Variants in SCHIP1 observed in about 807,000 individuals in gnomAD.
SCHIP1 encodes schwannomin-interacting protein 1.
A neutral mutation model predicts 29.7 loss-of-function variants in SCHIP1; 8 were observed. That is an observed-to-expected ratio of 0.27 (90% CI 0.16 to 0.49). SCHIP1 has a LOEUF of 0.49. Among genes scored for constraint, SCHIP1 ranks in the 20% least tolerant of loss-of-function variants. The pLI, the probability that SCHIP1 is intolerant of heterozygous loss-of-function variation, is 0.99. For synonymous variants in SCHIP1, 76 were observed against 94.9 expected, an observed-to-expected ratio of 0.80 and a Z score of 1.16; for missense variants, 193 against 294.6, an observed-to-expected ratio of 0.66 and a Z score of 2.52.
chr3:159,580,408 T>C, the SCHIP1 span, among the ~76,000 whole-genome samples: 1 of 152,144 alleles, frequency 6.6e-6, no homozygotes, highest in African/African-American at 2.4e-5. Context: ...TGGACAGCAA[T>C]TTCTTTCAAC....
the SCHIP1 span, among the ~76,000 whole-genome samples, chr3:159,578,279 G>C: frequency 6.6e-6 from 1 of 152,114 alleles, no homozygotes; most frequent in Admixed American, 6.6e-5. Context: ...AGATTGCGAG[G>C]CACTATAACT....
the SCHIP1 span, among the ~76,000 whole-genome samples, chr3:159,761,512 T>C: frequency 6.6e-6 from 1 of 152,208 alleles, no homozygotes; most frequent in South Asian, 2.1e-4. Context: ...ATCATCTCCC[T>C]ATCCTGCTGG....
the SCHIP1 span, among the ~76,000 whole-genome samples, chr3:159,651,952 C>T: frequency 1.3e-5 from 2 of 151,950 alleles, no homozygotes; most frequent in Admixed American, 6.6e-5. Flanking sequence ...AAAAATTAGC[C>T]GGGCATGGTG....
the SCHIP1 span, among the ~76,000 whole-genome samples, chr3:159,554,156 C>T: frequency 6.6e-6 from 1 of 152,134 alleles, no homozygotes; most frequent in Non-Finnish European, 1.5e-5. Flanking sequence ...AGGCGTGAGC[C>T]ACCTCGCCCG....
the SCHIP1 span, among the ~76,000 whole-genome samples, chr3:159,637,869 G>T: frequency 8.5e-5 from 13 of 152,100 alleles, no homozygotes; most frequent in Non-Finnish European, 4.4e-5. Flanking sequence ...TCCCTGAGAG[G>T]GTAAATAAAA....
the SCHIP1 span, among the ~76,000 whole-genome samples, chr3:159,800,059 C>A: frequency 6.6e-6 from 1 of 152,252 alleles, no homozygotes; most frequent in East Asian, 1.9e-4. Context: ...TTCACTTATT[C>A]CCCACATATT....
At chr3:159,719,933 C>T in the SCHIP1 span, among the ~76,000 whole-genome samples, 2 of 152,154 alleles carry the variant, frequency 1.3e-5, no homozygotes, top group South Asian at 2.1e-4. Context: ...CACATGCACA[C>T]GTATGTTTAT....
At chr3:159,661,709 C>A in the SCHIP1 span, among the ~76,000 whole-genome samples, 1 of 152,088 alleles carries the variant, frequency 6.6e-6, no homozygotes, top group Non-Finnish European at 1.5e-5. Context: ...CCTCTTGTAG[C>A]CTTGTCCAAA....
At chr3:159,351,117 A>G in the SCHIP1 span, among the ~76,000 whole-genome samples, 2 of 152,196 alleles carry the variant, frequency 1.3e-5, no homozygotes, top group Non-Finnish European at 2.9e-5. Context: ...GGAGGAACTA[A>G]TGTATGAATT....
the SCHIP1 span, among the ~76,000 whole-genome samples, chr3:159,752,614 A>C: frequency 6.6e-6 from 1 of 152,124 alleles, no homozygotes; most frequent in Non-Finnish European, 1.5e-5. Context: ...TGGTGGAAGC[A>C]GGAGCAAGAG....
the SCHIP1 span, among the ~76,000 whole-genome samples, chr3:159,829,622 T>G: frequency 4.1e-4 from 63 of 152,310 alleles, no homozygotes; most frequent in African/African-American, 1.4e-3. Context: ...TCCTGCCAGG[T>G]GAAGTAGTCT....
the SCHIP1 span, among the ~76,000 whole-genome samples, chr3:159,623,316 T>A: frequency 6.6e-6 from 1 of 152,200 alleles, no homozygotes; most frequent in Non-Finnish European, 1.5e-5. Context: ...AGTATATACC[T>A]CTTCTGTGTG....
intron 1 of SCHIP1, among the ~76,000 whole-genome samples, chr3:159,843,479 A>G (rs1400834227): frequency 1.3e-5 from 2 of 152,088 alleles, no homozygotes; most frequent in Non-Finnish European, 2.9e-5. Flanking sequence ...TAGGTCCTCA[A>G]GTAATACAGA....
At position 159,880,701 on chromosome 3, in the gene SCHIP1, G is replaced by A. The variant is rs193042444; in HGVS notation, c.150-5506G>A. On this transcript the variant is annotated intron_variant, in intron 2 of 6. Transcript: ENST00000445224. Reference sequence around the variant, plus strand: ...CTCAGCACCAGCCTATTGGTGCCATGAAATTTACAGAACTATTATTGCCTG... The same window carrying A: ...CTCAGCACCAGCCTATTGGTGCCATAAAATTTACAGAACTATTATTGCCTG... Among the ~76,000 whole-genome samples the A allele has an allele frequency of 9.8e-4, 150 of 152,310 alleles. 1 individual carries two copies. The highest frequency in any genetic ancestry group is 3.4e-3 in the African/African-American group (143 of 41,572).
the SCHIP1 span, among the ~76,000 whole-genome samples, chr3:159,504,665 T>C: frequency 6.6e-6 from 1 of 152,098 alleles, no homozygotes; most frequent in African/African-American, 2.4e-5. Flanking sequence ...TTTGTACCCC[T>C]CCTCGCAAAC....
At chr3:159,703,973 T>C in the SCHIP1 span, among the ~76,000 whole-genome samples, 1 of 152,198 alleles carries the variant, frequency 6.6e-6, no homozygotes, top group Non-Finnish European at 1.5e-5. Context: ...AGGCCTTCCT[T>C]GTCTGCATCA....
chr3:159,743,169 C>T, the SCHIP1 span, among the ~76,000 whole-genome samples: 1 of 152,052 alleles, frequency 6.6e-6, no homozygotes, highest in East Asian at 1.9e-4. Context: ...TTAATCTTTC[C>T]CTAAAGGGTA....
At chr3:159,328,133 A>G in the SCHIP1 span, among the ~76,000 whole-genome samples, 1 of 152,202 alleles carries the variant, frequency 6.6e-6, no homozygotes, top group Admixed American at 6.5e-5. Flanking sequence ...AAATTACCGA[A>G]AATTAAATAA....
At chr3:159,754,374 CTTGA>C in the SCHIP1 span, among the ~76,000 whole-genome samples, 11 of 152,182 alleles carry the variant, frequency 7.2e-5, no homozygotes, top group East Asian at 5.8e-4. Context: ...TGAAATTTTT[CTTGA>C]TTATTAGTGA....
Sources: gnomAD v4.1 joint callset for allele counts (sites outside exome capture counted in the v4.1 genomes callset) on GRCh38, gnomAD v4.1.1 for gene constraint, MANE v1.5 for transcripts, NCBI Gene and HGNC (gene_info 2026-07-23, HGNC 2026-07-21) for gene names.